Variants in TCF12 observed in about 807,000 individuals in gnomAD.
TCF12 encodes transcription factor 12.
In TCF12, 45 loss-of-function variants were observed where a neutral mutation model predicts 86.0. The ratio of observed to expected loss-of-function variants is 0.52; its 90% CI spans 0.41 to 0.67. The LOEUF is 0.67. Among genes scored for constraint, TCF12 ranks in the 30% least tolerant of loss-of-function variants. The probability of loss-of-function intolerance (pLI) is 0.00; values close to 1 mark genes in which losing one functional copy is unlikely to be tolerated. For synonymous variants in TCF12, 330 were observed against 299.6 expected, an observed-to-expected ratio of 1.10 and a Z score of -1.05; for missense variants, 881 against 859.9, an observed-to-expected ratio of 1.02 and a Z score of -0.31.
At chr15:56,973,239 T>C (rs1282874032) in intron 3 of TCF12, among the ~76,000 whole-genome samples, 1 of 152,130 alleles carries the variant, frequency 6.6e-6, no homozygotes, top group African/African-American at 2.4e-5. Flanking sequence ...TGTGTACATA[T>C]ATGAATGTGT....
At position 57,138,043 on chromosome 15, in the gene TCF12, A is replaced by T. The variant is rs72731951; in HGVS notation, c.326-28359A>T. 7.2e-4 allele frequency among the ~76,000 whole-genome samples: 110 copies of T among 151,940 alleles called. 6 individuals are homozygous for T. The East Asian group carries it at 0.018, about 25-fold the overall frequency. On this transcript the variant is annotated intron_variant, in intron 5 of 20. Coordinates refer to ENST00000333725, the MANE Select transcript of TCF12 (RefSeq NM_207037.2). ...GACTCTGTCTCAAAAGAAAAAAAAA[A>T]AAATAAAGTATTACCACCAGTTCTA...
chr15:57,136,958 G>GTTTTTTTTGTT (rs2052568748), intron 5 of TCF12, among the ~76,000 whole-genome samples: 21 of 83,038 alleles, frequency 2.5e-4, no homozygotes, highest in African/African-American at 9.6e-4. Flanking sequence ...GCTTCTGGCA[G>GTTTTTTTTGTT]TTTTTTTTTT....
At chr15:56,945,214 A>C (rs187521341) in intron 3 of TCF12, among the ~76,000 whole-genome samples, 1 of 152,020 alleles carries the variant, frequency 6.6e-6, no homozygotes, top group African/African-American at 2.4e-5. Flanking sequence ...TTATTGTTTT[A>C]TTGTGTTTAA....
intron 8 of TCF12, among the ~76,000 whole-genome samples, chr15:57,227,492 A>G (rs1420343764): frequency 2.0e-5 from 3 of 152,152 alleles, no homozygotes; most frequent in African/African-American, 4.8e-5. Flanking sequence ...ATAATTATGT[A>G]ATCACTGTGA....
intron 4 of TCF12, among the ~76,000 whole-genome samples, chr15:57,086,311 T>C (rs1350485558): frequency 6.6e-6 from 1 of 151,550 alleles, no homozygotes; most frequent in Admixed American, 6.6e-5. Flanking sequence ...TATATTTACT[T>C]ATTTAATCCT....
chr15:57,206,770 A>G (rs1176447228), intron 8 of TCF12, among the ~76,000 whole-genome samples: 3 of 151,144 alleles, frequency 2.0e-5, no homozygotes, highest in Non-Finnish European at 2.9e-5. Context: ...ACTTAGATAT[A>G]TTTGTGCCAA....
intron 3 of TCF12, among the ~76,000 whole-genome samples, chr15:56,958,678 A>AGAGTGTGT (rs1198441460): frequency 5.3e-4 from 75 of 142,252 alleles, no homozygotes; most frequent in East Asian, 4.3e-3. Context: ...AGAGAGAGAG[A>AGAGTGTGT]GTGTGTGTGT....
At chr15:57,216,746 A>G (rs1191471944) in intron 8 of TCF12, among the ~76,000 whole-genome samples, 1 of 152,134 alleles carries the variant, frequency 6.6e-6, no homozygotes, top group African/African-American at 2.4e-5. Flanking sequence ...AGATTTTATT[A>G]TACAAGATAA....
intron 6 of TCF12, among the ~76,000 whole-genome samples, chr15:57,175,906 A>G (rs780184928): frequency 7.2e-5 from 11 of 152,188 alleles, no homozygotes; most frequent in Non-Finnish European, 1.5e-4. Flanking sequence ...TCATGTGTTG[A>G]GCTGTTAATG....
At chr15:56,923,845 A>G (rs1283946090) in intron 3 of TCF12, among the ~76,000 whole-genome samples, 4 of 152,148 alleles carry the variant, frequency 2.6e-5, no homozygotes. Flanking sequence ...GTTTCTATCT[A>G]GAATGTCATT....
chr15:57,069,015 G>A (rs760214899), intron 4 of TCF12, among the ~76,000 whole-genome samples: 9 of 151,992 alleles, frequency 5.9e-5, no homozygotes, highest in African/African-American at 7.3e-5. Flanking sequence ...CTAGAATGTC[G>A]AGTTATATGA....
chr15:57,126,143 A>G (rs1244206847), intron 5 of TCF12, among the ~76,000 whole-genome samples: 1 of 152,208 alleles, frequency 6.6e-6, no homozygotes, highest in African/African-American at 2.4e-5. Context: ...TGGGAGGCTG[A>G]GATGAGAGGA....
Position 57,071,136 on chromosome 15 carries a change from A to G in TCF12, c.222+7313A>G, listed in dbSNP as rs549197023. On this transcript the variant is annotated intron_variant, in intron 4 of 20. Coordinates refer to ENST00000333725, the MANE Select transcript of TCF12 (RefSeq NM_207037.2). Reference sequence around the variant, plus strand: ...AGAGTTACTTTTTAGGCTGGGCGTGATGGCTCACACCTGTAAACCCAGTAC... The same window carrying G: ...AGAGTTACTTTTTAGGCTGGGCGTGGTGGCTCACACCTGTAAACCCAGTAC... Among the ~76,000 whole-genome samples the G allele has an allele frequency of 2.5e-4, 38 of 152,040 alleles. No individual in the cohort carries two copies. In the East Asian group the frequency reaches 7.2e-3, roughly 29 times the overall value.
intron 3 of TCF12, among the ~76,000 whole-genome samples, chr15:57,029,572 T>G (rs772038137): frequency 3.9e-5 from 6 of 152,320 alleles, no homozygotes; most frequent in African/African-American, 7.2e-5. Flanking sequence ...AGTTGTGTTG[T>G]TTTTAAGTTT....
At chr15:57,247,480 A>G (rs2059917864) in intron 13 of TCF12, 1 of 740,598 alleles carries the variant, frequency 1.4e-6, no homozygotes, top group Non-Finnish European at 2.5e-6. Flanking sequence ...GCCCATTAAT[A>G]GTGTGGCATT....
chr15:57,181,198 T>G (rs1475229889), intron 6 of TCF12, among the ~76,000 whole-genome samples: 1 of 152,136 alleles, frequency 6.6e-6, no homozygotes, highest in Non-Finnish European at 1.5e-5. Context: ...GCCAAGCCAC[T>G]TAATAAAACC....
At chr15:56,966,488 A>G (rs1223620493) in intron 3 of TCF12, among the ~76,000 whole-genome samples, 9 of 152,238 alleles carry the variant, frequency 5.9e-5, no homozygotes, top group Non-Finnish European at 1.3e-4. Flanking sequence ...ATATATGACA[A>G]GAGACCATGG....
chr15:57,064,015 A>C (rs2068658320), intron 4 of TCF12, among the ~76,000 whole-genome samples, 192 bp downstream of exon 4: 1 of 152,222 alleles, frequency 6.6e-6, no homozygotes, highest in African/African-American at 2.4e-5. Context: ...AATTTCCTAC[A>C]GTTAAATATT....
chr15:57,232,778 C>G lies in TCF12; in HGVS notation c.892C>G (p.His298Asp), dbSNP rs746282231. Residue 298 changes from histidine (H) to aspartate (D), a missense_variant, in exon 11 of 21, where the codon CAT becomes GAT. By Grantham distance (81) the His-to-Asp change is moderately conservative. Transcript: ENST00000333725. ...GAGTCTTCCACCAATGTCCAGCTTTCATCGCGGCAGTACCAGCAGTTCACC... is the reference window on the plus strand; with the variant it reads ...GAGTCTTCCACCAATGTCCAGCTTTGATCGCGGCAGTACCAGCAGTTCACC... ...NTSLPPMSSF[H>D]RGSTSSSPYV... 38 of 1,612,794 alleles carry G rather than the reference C, an allele frequency of 2.4e-5. No homozygotes were observed. Among genetic ancestry groups the G allele is most frequent in the Non-Finnish European group, 2.9e-5 (34 of 1,179,456 alleles).
Sources: gnomAD v4.1 joint callset for allele counts (sites outside exome capture counted in the v4.1 genomes callset) on GRCh38, gnomAD v4.1.1 for gene constraint, MANE v1.5 for transcripts, NCBI Gene and HGNC (gene_info 2026-07-23, HGNC 2026-07-21) for gene names.